The following ATP1A2 variants were observed in gnomAD, a reference collection of about 807,000 sequenced individuals.
ATP1A2 encodes the protein sodium/potassium-transporting ATPase subunit alpha-2.
In ATP1A2, 56 loss-of-function variants were observed where a neutral mutation model predicts 113.1. That is an observed-to-expected ratio of 0.49 (90% CI 0.40 to 0.62). The LOEUF (loss-of-function observed/expected upper bound fraction) is 0.62, where lower values mean the gene tolerates loss of function less well. Among genes scored for constraint, ATP1A2 ranks in the 20% least tolerant of loss-of-function variants. The pLI, the probability that ATP1A2 is intolerant of heterozygous loss-of-function variation, is 0.00. For synonymous variants in ATP1A2, 490 were observed against 526.8 expected (o/e 0.93, Z 0.96); for missense variants, 712 against 1,357.8 (o/e 0.52, Z 7.47).
chr1:160,136,550 C>T lies in ATP1A2; in HGVS notation c.2564-20C>T. 1 of 1,614,260 alleles carries T rather than the reference C, an allele frequency of 6.2e-7. No homozygotes were observed. Among genetic ancestry groups the T allele is most frequent in the Non-Finnish European group, 8.5e-7 (1 of 1,180,052 alleles). ...CTTCCTGCTCTGACCCTGCCCCTGC[C>T]TTTGGCCCTCTACCCACAGGGATGA... On this transcript the variant is annotated intron_variant, in intron 18 of 22. Transcript: ENST00000361216.
At chr1:160,133,035 C>T (rs1047566469) in intron 13 of ATP1A2, among the ~76,000 whole-genome samples, 1 of 151,892 alleles carries the variant, frequency 6.6e-6, no homozygotes, top group African/African-American at 2.4e-5. Flanking sequence ...CTTCACTTGC[C>T]TAAGGTGCTG....
chr1:160,137,074 G>A, intron 20 of ATP1A2, 43 bp downstream of exon 20: 1 of 1,613,254 alleles, frequency 6.2e-7, no homozygotes, highest in Non-Finnish European at 8.5e-7. Flanking sequence ...CAGGCTCTGG[G>A]CACACTCACC....
intron 22 of ATP1A2, among the ~76,000 whole-genome samples, chr1:160,140,353 A>G (rs944469563): frequency 3.3e-5 from 5 of 152,260 alleles, no homozygotes; most frequent in African/African-American, 1.2e-4. Context: ...GAATAGCAGG[A>G]CTGGTACTAG....
In ATP1A2 at chr1:160,125,269, G is replaced by T. The variant is rs754015551; in HGVS notation, c.748+16G>T. 2.0e-5 allele frequency: 32 copies of T among 1,596,790 alleles called. No homozygotes were observed. In the South Asian group the frequency reaches 3.4e-4, roughly 17 times the overall value. On this transcript the variant is annotated intron_variant, in intron 7 of 22. Coordinates refer to ENST00000361216, the MANE Select transcript of ATP1A2 (RefSeq NM_000702.4). ...TGTGTTGAAGGTGAGAAGCCAGGCT[G>T]CCCCCTGTAGGAAAGAGTCTGAATC...
intron 10 of ATP1A2, 88 bp downstream of exon 10, chr1:160,129,177 G>A: frequency 1.2e-6 from 2 of 1,609,280 alleles, no homozygotes; most frequent in Non-Finnish European, 1.7e-6. Context: ...ACATGATGTG[G>A]CTGCCTTGGG....
intron 8 of ATP1A2, 79 bp downstream of exon 8, chr1:160,127,899 G>A: frequency 6.6e-7 from 1 of 1,510,808 alleles, no homozygotes; most frequent in Non-Finnish European, 8.8e-7. Flanking sequence ...ACAGTTGCTT[G>A]TAGCTTCTCA....
rs764544114 is a variant in ATP1A2, at chr1:160,135,873, C to T, written c.2319C>T (p.Ile773=). ...RLIFDNLKKS[I]AYTLTSNIPE... ...TCTTTGACAACTTGAAGAAATCCAT[C>T]GCCTACACCCTGACCAGCAACATCC... Residue 773 remains isoleucine, a synonymous_variant, in exon 17 of 23, where the codon ATC becomes ATT. Transcript: ENST00000361216. This position sits in a 1 kb window ranked among gnomAD's most constrained non-coding sequence, Gnocchi z 6.3. 1.2e-5 allele frequency: 20 copies of T among 1,614,150 alleles called. No homozygotes were observed. Among genetic ancestry groups the T allele is most frequent in the East Asian group, 8.9e-5 (4 of 44,874 alleles).
chr1:160,135,403 T>G lies in ATP1A2; in HGVS notation c.2116-31T>G. 6.2e-7 allele frequency: 1 copy of G among 1,614,128 alleles called. No homozygotes were observed. The stretch of plus-strand genomic sequence containing the variant: ...GAGGAGCCAGGCTTGGGAAGGGGTT[T>G]CGTCCTCAAGTGTGGCCGTCTTCCC... On this transcript the variant is annotated intron_variant, in intron 15 of 22. Transcript: ENST00000361216. The surrounding 1 kb of genome is among the most constrained non-coding windows in gnomAD (Gnocchi z 6.3).
At chr1:160,141,235 T>A in intron 22 of ATP1A2, 59 bp from the exon 23 acceptor site, 1 of 1,607,790 alleles carries the variant, frequency 6.2e-7, no homozygotes, top group Non-Finnish European at 8.5e-7. Flanking sequence ...CCTAGGAAAT[T>A]GATCTCTTGC....
At chr1:160,128,133 A>C (rs559391774) in intron 8 of ATP1A2, among the ~76,000 whole-genome samples, 42 of 152,256 alleles carry the variant, frequency 2.8e-4, no homozygotes, top group African/African-American at 8.4e-4. Context: ...CCAGTCACTA[A>C]CTAGCAAATC....
At chr1:160,134,777 A>G (rs1487457392) in intron 14 of ATP1A2, among the ~76,000 whole-genome samples, 157 bp downstream of exon 14, 1 of 152,168 alleles carries the variant, frequency 6.6e-6, no homozygotes, top group Non-Finnish European at 1.5e-5. Flanking sequence ...CTGAGCTTGT[A>G]TCCAGGCTGT....
chr1:160,123,684 G>A (rs1019789850), intron 4 of ATP1A2, among the ~76,000 whole-genome samples: 2 of 152,140 alleles, frequency 1.3e-5, no homozygotes, highest in African/African-American at 4.8e-5. Context: ...TGTGTGCCTG[G>A]GTCTTCATCC....
In ATP1A2 at chr1:160,141,813, T is replaced by A. The variant is rs1420831308; in HGVS notation, c.*491T>A. 1.0e-5 allele frequency: 2 copies of A among 194,712 alleles called. No individual in the cohort carries two copies. Among genetic ancestry groups the A allele is most frequent in the Non-Finnish European group, 2.2e-5 (2 of 92,714 alleles). The allele number at this position is 194,712 out of a possible 1,614,324, so 12.1% of individuals were successfully genotyped here. A position where few individuals can be genotyped will look rare whatever the true frequency, so the allele number is the denominator to read the frequency against. ...TTCAGACCTTGCAATCACAAAAGGT[T>A]CTTCTGGTGAGTGCAAGAGCCTGAG... On this transcript the variant is annotated 3_prime_UTR_variant, in exon 23 of 23. Transcript: ENST00000361216.
intron 7 of ATP1A2, chr1:160,125,548 T>C (rs1651561520): frequency 2.4e-6 from 1 of 425,172 alleles, no homozygotes; most frequent in African/African-American, 2.0e-5. Flanking sequence ...CCCTTACGCA[T>C]GCGCACACAC....
At chr1:160,125,989 A>G (rs765543349) in intron 7 of ATP1A2, among the ~76,000 whole-genome samples, 11 of 152,214 alleles carry the variant, frequency 7.2e-5, no homozygotes, top group Non-Finnish European at 4.4e-5. Context: ...AGGCCTCACT[A>G]GACCAGTGGC....
chr1:160,119,840 A>AG lies in ATP1A2; in HGVS notation c.13-1066_13-1065insG, dbSNP rs1353588306. ...AGACCTTATATCTAAAAAAAAAAAA[A>AG]AAAAAGAAAGAAAGAAAGAAAATTG... On this transcript the variant is annotated intron_variant, in intron 1 of 22. Transcript: ENST00000361216. Among the ~76,000 whole-genome samples the AG allele has an allele frequency of 2.0e-3, 308 of 151,800 alleles. 1 individual carries two copies. The highest frequency in any genetic ancestry group is 7.0e-3 in the African/African-American group (288 of 41,434).
At position 160,123,210 on chromosome 1, in the gene ATP1A2, C is replaced by T; in HGVS notation, c.178-3C>T. On this transcript the variant is annotated splice_region_variant and splice_polypyrimidine_tract_variant and intron_variant, in intron 3 of 22. Transcript: ENST00000361216. ...GCCCCTACGCCTCTCCTTGCTCCCT[C>T]AGGGCCTCACCAACCAGCGGGCTCA... 1 of 1,614,164 alleles carries T rather than the reference C, an allele frequency of 6.2e-7. No individual in the cohort carries two copies. The highest frequency in any genetic ancestry group is 1.1e-5 in the South Asian group (1 of 91,084).
Position 160,130,465 on chromosome 1 carries a change from C to T in ATP1A2, c.1695C>T (p.Gly565=). Residue 565 remains glycine, a synonymous_variant, in exon 13 of 23, where the codon GGC becomes GGT. Transcript: ENST00000361216. The part of the protein sequence containing the change: ...LNLPSGKFPR[G]FKFDTDELNF... Reference sequence around the variant, plus strand: ...TGCCATCTGGAAAGTTTCCTCGGGGCTTCAAATTCGACACGGATGAGCTGA... The same window carrying T: ...TGCCATCTGGAAAGTTTCCTCGGGGTTTCAAATTCGACACGGATGAGCTGA... 6.2e-7 allele frequency: 1 copy of T among 1,614,220 alleles called. No individual in the cohort carries two copies. Among genetic ancestry groups the T allele is most frequent in the Non-Finnish European group, 8.5e-7 (1 of 1,180,032 alleles).
intron 14 of ATP1A2, 52 bp downstream of exon 14, chr1:160,134,672 C>T (rs754035639): frequency 6.2e-7 from 1 of 1,613,756 alleles, no homozygotes. Context: ...TCCTCTTGCA[C>T]AGAAGGCTTG....
Sources: allele counts gnomAD v4.1 joint callset (sites outside exome capture counted in the v4.1 genomes callset), GRCh38; gene constraint gnomAD v4.1.1; non-coding constraint Gnocchi (gnomAD v3.1); transcripts MANE v1.5; gene names NCBI Gene and HGNC (gene_info 2026-07-23, HGNC 2026-07-21).